Variants in GPR158 observed in about 807,000 individuals in gnomAD.
GPR158 encodes the protein G protein-coupled receptor 158.
In GPR158, 30 loss-of-function variants were observed where a neutral mutation model predicts 78.2. That is an observed-to-expected ratio of 0.38 (90% CI 0.29 to 0.52). The LOEUF (loss-of-function observed/expected upper bound fraction) is 0.52, where lower values mean the gene tolerates loss of function less well. Ranked by LOEUF, GPR158 falls within the 20% of genes least tolerant of loss-of-function variation. The pLI is 0.83. For synonymous variants in GPR158, 581 were observed against 591.1 expected (o/e 0.98, Z 0.25); for missense variants, 1,463 against 1,523.5 (o/e 0.96, Z 0.66).
chr10:25,434,313 C>G (rs1588862648), intron 4 of GPR158, among the ~76,000 whole-genome samples: 1 of 152,118 alleles, frequency 6.6e-6, no homozygotes, highest in Non-Finnish European at 1.5e-5. Context: ...TTAATGATTA[C>G]CAAGCTCTAT....
intron 2 of GPR158, among the ~76,000 whole-genome samples, chr10:25,389,920 G>A (rs970564560): frequency 1.3e-5 from 2 of 152,198 alleles, no homozygotes; most frequent in African/African-American, 4.8e-5. Flanking sequence ...TGTGTTGTTG[G>A]AGGGACCTGG....
intron 2 of GPR158, chr10:25,244,564 C>T (rs1345641222): frequency 6.6e-6 from 1 of 152,170 alleles, no homozygotes; most frequent in African/African-American, 2.4e-5. Context: ...CTTGCTTTCT[C>T]ATTTTCTGTC....
chr10:25,338,457 A>G (rs1180591331), intron 2 of GPR158, among the ~76,000 whole-genome samples: 2 of 136,526 alleles, frequency 1.5e-5, no homozygotes, highest in Non-Finnish European at 3.1e-5. Context: ...CGTAATATAT[A>G]TATTACGTAT....
At chr10:25,221,213 T>C in intron 2 of GPR158, 56 bp downstream of exon 2, 4 of 896,570 alleles carry the variant, frequency 4.5e-6, no homozygotes, top group Non-Finnish European at 5.4e-6. Context: ...ATTTTGAATA[T>C]GTTATATTTG....
intron 3 of GPR158, among the ~76,000 whole-genome samples, chr10:25,398,315 T>G (rs1051739078): frequency 6.6e-6 from 1 of 152,226 alleles, no homozygotes; most frequent in Admixed American, 6.5e-5. Context: ...TAATATATTT[T>G]AAGGATGATT....
chr10:25,276,276 C>A (rs1017121193), intron 2 of GPR158, among the ~76,000 whole-genome samples: 7 of 152,102 alleles, frequency 4.6e-5, no homozygotes, highest in African/African-American at 1.7e-4. Context: ...CAGAATCCAC[C>A]CACATGCTGT....
intron 5 of GPR158, among the ~76,000 whole-genome samples, chr10:25,490,206 C>A (rs3005188): frequency 0.7 from 106,841 of 151,712 alleles, 38,225 homozygotes; most frequent in East Asian, 0.99. Context: ...TGGAACTCTT[C>A]CTTGTGTTTG....
At position 25,588,972 on chromosome 10, in the gene GPR158, A is replaced by G. The variant is rs528273714; in HGVS notation, c.1754-35A>G. ...AAAGAAGAATTTTATTTCTTCACCT[A>G]TAAAACTCATGAAAATGGTTTGTTA... On this transcript the variant is annotated intron_variant, in intron 7 of 10. Coordinates refer to ENST00000376351, the MANE Select transcript of GPR158 (RefSeq NM_020752.3). 5.5e-6 allele frequency: 8 copies of G among 1,463,462 alleles called. No homozygotes were observed. In the East Asian group the frequency reaches 1.6e-4, roughly 29 times the overall value. The allele number at this position is 1,463,462 out of a possible 1,614,324, so 90.7% of individuals were successfully genotyped here. A position where few individuals can be genotyped will look rare whatever the true frequency, so the allele number is the denominator to read the frequency against.
chr10:25,519,398 G>T, intron 5 of GPR158, among the ~76,000 whole-genome samples: 1 of 132,448 alleles, frequency 7.6e-6, no homozygotes, highest in African/African-American at 3.3e-5. Context: ...TGTTATGTGT[G>T]AATTTGATCC....
chr10:25,224,525 A>G (rs149931488), intron 2 of GPR158, among the ~76,000 whole-genome samples: 108 of 151,936 alleles, frequency 7.1e-4, no homozygotes, highest in African/African-American at 2.4e-3. Flanking sequence ...ATATATTTAT[A>G]GCAATATAAT....
intron 1 of GPR158, among the ~76,000 whole-genome samples, chr10:25,208,852 T>C (rs1853088937): frequency 1.7e-5 from 2 of 119,146 alleles, no homozygotes; most frequent in Admixed American, 1.5e-4. Flanking sequence ...CTTTCCTTCT[T>C]TTTTTTTTTT....
At chr10:25,557,143 A>G (rs1836796361) in intron 6 of GPR158, among the ~76,000 whole-genome samples, 1 of 152,230 alleles carries the variant, frequency 6.6e-6, no homozygotes, top group Non-Finnish European at 1.5e-5. Flanking sequence ...GCTGGTGCCC[A>G]GACCGTTTTG....
intron 6 of GPR158, among the ~76,000 whole-genome samples, chr10:25,569,800 TAGCTACTGCATATGGTA>T (rs1330239982): frequency 1.3e-5 from 2 of 152,222 alleles, no homozygotes; most frequent in Non-Finnish European, 1.5e-5. Context: ...TATATAATGT[TAGCTACTGCATATGGTA>T]GCTATTTGCA....
intron 5 of GPR158, among the ~76,000 whole-genome samples, chr10:25,491,585 C>T (rs1329257): frequency 6.6e-6 from 1 of 151,780 alleles, no homozygotes; most frequent in Admixed American, 6.6e-5. Context: ...CATTTATCAC[C>T]CTAAAAGTCC....
rs10828833 is a variant in GPR158 at position 25,599,251 on chromosome 10, A to C, written c.3625A>C (p.Ile1209Leu). Residue 1209 changes from isoleucine (I) to leucine (L), a missense_variant, in exon 11 of 11, where the codon ATC (isoleucine) becomes CTC (leucine). Coordinates refer to ENST00000376351, the MANE Select transcript of GPR158 (RefSeq NM_020752.3). ...NKIAGPRKEE[I>L]WDSFKV is the part of the protein sequence containing the mutation. The stretch of plus-strand genomic sequence containing the variant: ...GATAGCAGGGCCTAGGAAAGAAGAG[A>C]TCTGGGATAGTTTTAAAGTGTAGCA... 3 of 1,611,048 alleles carry C rather than the reference A, an allele frequency of 1.9e-6. No homozygotes were observed. The highest frequency in any genetic ancestry group is 2.7e-5 in the African/African-American group (2 of 74,936).
intron 2 of GPR158, among the ~76,000 whole-genome samples, chr10:25,338,074 T>A (rs1855235945): frequency 6.6e-6 from 1 of 151,852 alleles, no homozygotes; most frequent in Non-Finnish European, 1.5e-5. Context: ...GCAGCTTGCC[T>A]TTTCACTCTG....
At chr10:25,479,005 C>T (rs1835627537) in intron 5 of GPR158, among the ~76,000 whole-genome samples, 1 of 117,396 alleles carries the variant, frequency 8.5e-6, no homozygotes, top group South Asian at 3.1e-4. Flanking sequence ...CATAGTTTTC[C>T]ATGGTGTATA....
At chr10:25,437,840 T>C (rs1773659) in intron 4 of GPR158, among the ~76,000 whole-genome samples, 125,465 of 152,164 alleles carry the variant, frequency 0.82, 52,837 homozygotes, top group African/African-American at 0.89. Flanking sequence ...AAAAATAGGG[T>C]TGGACCAAAT....
At chr10:25,533,326 G>A (rs79378587) in intron 5 of GPR158, among the ~76,000 whole-genome samples, 1,645 of 152,102 alleles carry the variant, frequency 0.011, 17 homozygotes, top group Non-Finnish European at 0.017. Context: ...TTAACCTTAA[G>A]AAAAAAATCA....
Sources: gnomAD v4.1 joint callset for allele counts (sites outside exome capture counted in the v4.1 genomes callset) on GRCh38, gnomAD v4.1.1 for gene constraint, MANE v1.5 for transcripts, NCBI Gene and HGNC (gene_info 2026-07-23, HGNC 2026-07-21) for gene names.